The following SESN1 variants were observed in gnomAD, a reference collection of about 807,000 sequenced individuals.
SESN1 encodes sestrin 1, also known as sestrin-1.
SESN1 carries 30 observed loss-of-function variants against 59.3 expected under a neutral mutation model. The observed-to-expected ratio is 0.51, with a 90% confidence interval of 0.38 to 0.69. SESN1 has a LOEUF of 0.69. SESN1 is among the 30% of genes least tolerant of loss of function. SESN1 has a pLI of 0.00. For missense variants in SESN1, 566 were observed against 673.0 expected (o/e 0.84, Z 1.76); for synonymous variants, 197 against 219.9 (o/e 0.90, Z 0.92).
Position 109,006,638 on chromosome 6 carries a change from C to T in SESN1, c.280-4295G>A, listed in dbSNP as rs928526633. Among the ~76,000 whole-genome samples the T allele has an allele frequency of 2.0e-5, 3 of 152,110 alleles. No individual in the cohort carries two copies. In the South Asian group the frequency reaches 6.2e-4, roughly 31 times the overall value. ...ATTATTCTTTTGAGCCTCTTTAAGA[C>T]TTCTTGATACCTTGGAGATTCTTAC... is the stretch of plus-strand genomic sequence containing the variant. On this transcript the variant is annotated intron_variant, in intron 1 of 9. Transcript: ENST00000436639.
intron 1 of SESN1, among the ~76,000 whole-genome samples, chr6:109,084,281 C>A (rs1420962141): frequency 1.3e-5 from 2 of 152,124 alleles, no homozygotes; most frequent in Non-Finnish European, 2.9e-5. Context: ...AGGAATTAGG[C>A]CAGGCACAGT....
intron 1 of SESN1, among the ~76,000 whole-genome samples, chr6:109,050,908 A>G (rs934494095): frequency 2.0e-5 from 3 of 152,216 alleles, no homozygotes; most frequent in Non-Finnish European, 4.4e-5. Flanking sequence ...TCTACTGCTT[A>G]GGTAGGGGGA....
chr6:109,049,345 T>C (rs1181861287), intron 1 of SESN1, among the ~76,000 whole-genome samples: 2 of 149,890 alleles, frequency 1.3e-5, no homozygotes, highest in African/African-American at 4.9e-5. Context: ...CTCATGGAAG[T>C]AAAAGGTAGA....
chr6:109,090,281 G>A (rs958674212), intron 1 of SESN1, among the ~76,000 whole-genome samples: 2 of 152,124 alleles, frequency 1.3e-5, no homozygotes, highest in East Asian at 1.9e-4. Context: ...CCCATACTGC[G>A]TAACATTTCA....
intron 1 of SESN1, among the ~76,000 whole-genome samples, chr6:109,046,127 T>C (rs567045796): frequency 1.4e-5 from 2 of 147,520 alleles, no homozygotes; most frequent in South Asian, 4.5e-4. Flanking sequence ...CTCCCCACGG[T>C]CTCCCTCTCA....
chr6:109,012,880 C>T (rs1779882732), intron 1 of SESN1, among the ~76,000 whole-genome samples: 2 of 151,666 alleles, frequency 1.3e-5, no homozygotes, highest in Non-Finnish European at 1.5e-5. Flanking sequence ...TTTGGGAGGC[C>T]GAGGCAGGGC....
In SESN1 at chr6:108,985,062, T is replaced by G. The variant is rs529873097; in HGVS notation, c.*2482A>C. On this transcript the variant is annotated 3_prime_UTR_variant, in exon 10 of 10. Coordinates refer to ENST00000436639, the MANE Select transcript of SESN1 (RefSeq NM_014454.3). ...CAAAAAACTAGTATGATGATTCATA[T>G]ATGATATTCACATATACAAATATGC... Among the ~76,000 whole-genome samples the G allele has an allele frequency of 1.3e-5, 2 of 152,324 alleles. No individual in the cohort carries two copies. Among genetic ancestry groups the G allele is most frequent in the South Asian group, 4.1e-4 (2 of 4,828 alleles).
intron 8 of SESN1, 145 bp downstream of exon 8, chr6:108,990,500 T>C: frequency 1.4e-6 from 1 of 730,476 alleles, no homozygotes; most frequent in Non-Finnish European, 2.2e-6. Flanking sequence ...AGTGGTTCTT[T>C]GAAGCATAAA....
intron 1 of SESN1, among the ~76,000 whole-genome samples, chr6:109,049,291 G>A (rs904933770): frequency 4.0e-5 from 6 of 151,786 alleles, no homozygotes; most frequent in African/African-American, 4.8e-5. Context: ...GTTAAACATC[G>A]TATGTTCTCA....
chr6:109,009,749 G>T (rs1583270887), intron 1 of SESN1, among the ~76,000 whole-genome samples: 4 of 152,200 alleles, frequency 2.6e-5, no homozygotes, highest in African/African-American at 9.6e-5. Flanking sequence ...GGTTCCCCAC[G>T]AACAGCTAAT....
rs939505602 is a variant in SESN1 at position 108,998,854 on chromosome 6, A to T, written c.730-99T>A. 4.4e-6 allele frequency: 6 copies of T among 1,356,532 alleles called. No individual in the cohort carries two copies. The African/African-American group carries it at 7.3e-5, about 17-fold the overall frequency. 84.0% of individuals were successfully genotyped at this position (1,356,532 alleles called of 1,614,324 possible). A position where few individuals can be genotyped will look rare whatever the true frequency, so the allele number is the denominator to read the frequency against. On this transcript the variant is annotated intron_variant, in intron 4 of 9. Transcript: ENST00000436639. Reference sequence around the variant, plus strand: ...TAATTTATTGAAAACATGAGTCATCATACAAAGCCTAGCATAAAATTATCA... The same window carrying T: ...TAATTTATTGAAAACATGAGTCATCTTACAAAGCCTAGCATAAAATTATCA...
At chr6:109,064,935 T>A (rs919765647) in intron 1 of SESN1, among the ~76,000 whole-genome samples, 2 of 152,136 alleles carry the variant, frequency 1.3e-5, no homozygotes, top group Admixed American at 1.3e-4. Flanking sequence ...GTTGCCTAAA[T>A]GTCTTCATAT....
chr6:109,052,974 G>A (rs1329668764), intron 1 of SESN1, among the ~76,000 whole-genome samples: 1 of 152,128 alleles, frequency 6.6e-6, no homozygotes, highest in Non-Finnish European at 1.5e-5. Context: ...ATTGAAAGTT[G>A]TAAATGTTAG....
rs1419059490 is a variant in SESN1, at chr6:108,992,972, A to C, written c.1121-73T>G. On this transcript the variant is annotated intron_variant, in intron 6 of 9. Transcript: ENST00000436639. ...AAAATTGATTTTACCCAAAGGAGTA[A>C]AAATGGCATAACTCTTTCTCTGATA... 15 of 904,660 alleles carry C rather than the reference A, an allele frequency of 1.7e-5. 1 individual carries two copies. In the Middle Eastern group the frequency reaches 9.6e-4, roughly 58 times the overall value. 56.0% of individuals were successfully genotyped at this position (904,660 alleles called of 1,614,324 possible).
At chr6:108,996,660 TAATATTA>T (rs1337557949) in intron 5 of SESN1, among the ~76,000 whole-genome samples, 1 of 152,208 alleles carries the variant, frequency 6.6e-6, no homozygotes, top group African/African-American at 2.4e-5. Flanking sequence ...CATTTCATTT[TAATATTA>T]AAATGTTAAA....
rs1781428945 is a variant in SESN1, at chr6:109,094,377, G to T, written c.-304C>A. ...GAATTTCGGGGAAGCGTTCTCCTCC[G>T]TCTCGCGGGGTCAGTGGATATCCTC... On this transcript the variant is annotated 5_prime_UTR_variant, in exon 1 of 10. Coordinates refer to ENST00000436639, the MANE Select transcript of SESN1 (RefSeq NM_014454.3). 6 of 402,614 alleles carry T rather than the reference G, an allele frequency of 1.5e-5. No individual in the cohort carries two copies. Among genetic ancestry groups the T allele is most frequent in the Non-Finnish European group, 2.3e-5 (5 of 221,320 alleles). 24.9% of individuals were successfully genotyped at this position (402,614 alleles called of 1,614,324 possible).
intron 1 of SESN1, among the ~76,000 whole-genome samples, chr6:109,057,406 G>A (rs72937043): frequency 0.16 from 24,720 of 152,074 alleles, 2,502 homozygotes; most frequent in Non-Finnish European, 0.23. Context: ...ACATCACACC[G>A]GCTCTGGACT....
intron 1 of SESN1, among the ~76,000 whole-genome samples, chr6:109,044,961 T>G (rs1780401416): frequency 6.6e-6 from 1 of 151,726 alleles, no homozygotes; most frequent in African/African-American, 2.4e-5. Context: ...AGGTAGAGGT[T>G]GCGGTGAGCT....
chr6:109,093,662 G>C (rs1206448279), intron 1 of SESN1, 133 bp downstream of exon 1: 2 of 882,664 alleles, frequency 2.3e-6, no homozygotes, highest in Non-Finnish European at 1.7e-6. Context: ...TTTACTTACA[G>C]AACACTCTAA....
Sources: allele counts gnomAD v4.1 joint callset (sites outside exome capture counted in the v4.1 genomes callset), GRCh38; gene constraint gnomAD v4.1.1; transcripts MANE v1.5; gene names NCBI Gene and HGNC (gene_info 2026-07-23, HGNC 2026-07-21).